The following DOCK9 variants were observed in gnomAD, a reference collection of about 807,000 sequenced individuals.
The protein encoded by DOCK9 is dedicator of cytokinesis 9.
Under a neutral mutation model 263.3 loss-of-function variants are expected in DOCK9, and 89 were observed. That is an observed-to-expected ratio of 0.34 (90% CI 0.28 to 0.40). The LOEUF (loss-of-function observed/expected upper bound fraction) is 0.40. DOCK9 is among the 10% of genes least tolerant of loss of function. The probability of loss-of-function intolerance (pLI) is 1.00; values close to 1 mark genes in which losing one functional copy is unlikely to be tolerated. For synonymous variants in DOCK9, 976 were observed against 973.1 expected (o/e 1.00, Z -0.06); for missense variants, 2,140 against 2,603.4 (o/e 0.82, Z 3.87).
At chr13:98,820,446 CT>C (rs1437106121) in intron 45 of DOCK9, among the ~76,000 whole-genome samples, 3 of 152,152 alleles carry the variant, frequency 2.0e-5, no homozygotes, top group African/African-American at 7.2e-5. Flanking sequence ...AGAGAGGGTT[CT>C]TGGACCTAGT....
At chr13:98,890,876 C>T (rs554900916) in intron 15 of DOCK9, among the ~76,000 whole-genome samples, 38 of 152,274 alleles carry the variant, frequency 2.5e-4, no homozygotes, top group African/African-American at 8.4e-4. Flanking sequence ...CTCTCAGGGT[C>T]CCTCCCTCTC....
intron 1 of DOCK9, among the ~76,000 whole-genome samples, chr13:98,983,705 C>T (rs1435928168): frequency 6.6e-6 from 1 of 151,824 alleles, no homozygotes; most frequent in Non-Finnish European, 1.5e-5. Flanking sequence ...CAACCTCTGC[C>T]TCCTGGGTTC....
intron 13 of DOCK9, among the ~76,000 whole-genome samples, chr13:98,898,967 T>C (rs2047843390): frequency 6.6e-6 from 1 of 152,206 alleles, no homozygotes; most frequent in Admixed American, 6.5e-5. Context: ...TTTTTCCAAA[T>C]TTGTCTGTAC....
chr13:98,938,171 C>G (rs577984552), intron 2 of DOCK9, among the ~76,000 whole-genome samples: 2 of 152,352 alleles, frequency 1.3e-5, no homozygotes, highest in Admixed American at 1.3e-4. Flanking sequence ...CCCACTGAAG[C>G]TGGAGATTCT....
chr13:99,020,096 C>T (rs564657377), intron 1 of DOCK9, among the ~76,000 whole-genome samples: 9 of 151,754 alleles, frequency 5.9e-5, no homozygotes, highest in Non-Finnish European at 1.0e-4. Flanking sequence ...AGTGAGACTC[C>T]GTCTCAAAAA....
In DOCK9 at chr13:99,066,999, T is replaced by C. The variant is rs149924955; in HGVS notation, c.129+19224A>G. On this transcript the variant is annotated intron_variant, in intron 1 of 32. Coordinates refer to the DOCK9 transcript ENST00000427887. The stretch of plus-strand genomic sequence containing the variant: ...TGTAATAGATAAGTAGGTCCCAGTA[T>C]GTTTCTACTACCCAGAAGGCTGACT... 3.7e-3 allele frequency among the ~76,000 whole-genome samples: 565 copies of C among 152,354 alleles called. 4 individuals carry two copies. The highest frequency in any genetic ancestry group is 0.013 in the African/African-American group (532 of 41,580).
chr13:98,800,253 C>T (rs1312529175), intron 50 of DOCK9, 35 bp downstream of exon 50: 1 of 1,546,452 alleles, frequency 6.5e-7, no homozygotes, highest in Admixed American at 1.9e-5. Flanking sequence ...CAAGGACGTC[C>T]CCTGCTGCCC....
intron 1 of DOCK9, among the ~76,000 whole-genome samples, chr13:98,995,487 T>C (rs1392397365): frequency 7.4e-4 from 40 of 54,034 alleles, no homozygotes; most frequent in Non-Finnish European, 1.2e-3. Context: ...GGAAGATACT[T>C]TTTTTTTTTT....
chr13:99,076,136 TAAG>T lies in DOCK9; in HGVS notation c.129+10084_129+10086del, dbSNP rs374750406. Reference sequence around the variant, plus strand: ...GTATAAAATAAGATAAATTCACTGATAAGGAGTCAAAAAAGAAACAGAAAATAA... The same window carrying T: ...GTATAAAATAAGATAAATTCACTGATGAGTCAAAAAAGAAACAGAAAATAA... On this transcript the variant is annotated intron_variant, in intron 1 of 32. Coordinates refer to the DOCK9 transcript ENST00000427887. Among the ~76,000 whole-genome samples the T allele has an allele frequency of 3.8e-3, 583 of 152,208 alleles. 1 individual carries two copies. Among genetic ancestry groups the T allele is most frequent in the African/African-American group, 0.013 (539 of 41,526 alleles).
intron 1 of DOCK9, among the ~76,000 whole-genome samples, chr13:99,023,621 G>A (rs1292349764): frequency 6.6e-6 from 1 of 152,140 alleles, no homozygotes; most frequent in Non-Finnish European, 1.5e-5. Flanking sequence ...AAATAGTTAA[G>A]GTGATAAATC....
rs777896562 is a variant in DOCK9 at position 98,930,248 on chromosome 13, G to A, written c.253C>T (p.Leu85=). Residue 85 remains leucine, a synonymous_variant, in exon 3 of 53, where the codon CTG becomes TTG. Coordinates refer to ENST00000682017, the MANE Select transcript of DOCK9 (RefSeq NM_001366683.2). ...FPYDDFQTAI[L]RRQGRYICST... ...CATATGTATCGACCCTGTCGTCTCA[G>A]GATGGCCGTCTGGAAACAAAAACAG... 44 of 1,609,932 alleles carry A rather than the reference G, an allele frequency of 2.7e-5. No individual in the cohort carries two copies. Among genetic ancestry groups the A allele is most frequent in the Non-Finnish European group, 3.6e-5 (42 of 1,178,192 alleles).
intron 1 of DOCK9, among the ~76,000 whole-genome samples, chr13:99,085,847 G>A (rs1235818393): frequency 1.4e-5 from 2 of 146,518 alleles, no homozygotes; most frequent in Non-Finnish European, 3.0e-5. Flanking sequence ...GGCCGGGGGA[G>A]GGATACGGGG....
At chr13:99,047,511 C>T (rs1256271813) in intron 1 of DOCK9, among the ~76,000 whole-genome samples, 1 of 145,000 alleles carries the variant, frequency 6.9e-6, no homozygotes, top group Non-Finnish European at 1.5e-5. Flanking sequence ...ATCAGTGGTT[C>T]TAATCCTTTT....
rs577346523 is a variant in DOCK9, at chr13:98,884,703, C to G, written c.2382+268G>C. 2.0e-5 allele frequency among the ~76,000 whole-genome samples: 3 copies of G among 152,060 alleles called. No individual in the cohort carries two copies. The East Asian group carries it at 5.8e-4, about 29-fold the overall frequency. ...GCATGGCCAGTCGGCAGAGACAGAC[C>G]TTATCCCAGATTTCCAAGTCTCTAT... On this transcript the variant is annotated intron_variant, in intron 21 of 52. Coordinates refer to ENST00000682017, the MANE Select transcript of DOCK9 (RefSeq NM_001366683.2).
Position 98,809,288 on chromosome 13 carries a change from TG to T in DOCK9, c.5367+63del, listed in dbSNP as rs779975025. On this transcript the variant is annotated intron_variant, in intron 47 of 52. Transcript: ENST00000682017. ...TATAACTTTATTATAGTTTTTTTTTTGTTTTTGTTTTTGTTTTTTTTTAAAG... is the reference window on the plus strand; with the variant it reads ...TATAACTTTATTATAGTTTTTTTTTTTTTTTGTTTTTGTTTTTTTTTAAAG... 45 of 1,382,000 alleles carry T rather than the reference TG, an allele frequency of 3.3e-5. 1 individual carries two copies. The African/African-American group carries it at 5.3e-4, about 16-fold the overall frequency. 85.6% of individuals were successfully genotyped at this position (1,382,000 alleles called of 1,614,324 possible).
At chr13:98,845,455 A>G (rs983278841) in intron 38 of DOCK9, 1 of 950,362 alleles carries the variant, frequency 1.1e-6, no homozygotes, top group Admixed American at 3.1e-5. Flanking sequence ...ATGTTTTCAC[A>G]GTAGTGCAAG....
chr13:98,999,512 T>C (rs1400769862), intron 1 of DOCK9, among the ~76,000 whole-genome samples: 1 of 152,232 alleles, frequency 6.6e-6, no homozygotes, highest in Non-Finnish European at 1.5e-5. Context: ...AGTTGCCTGA[T>C]TTGAGCCAAG....
intron 27 of DOCK9, among the ~76,000 whole-genome samples, chr13:98,869,309 T>C (rs2094130582): frequency 1.3e-5 from 2 of 152,358 alleles, no homozygotes; most frequent in East Asian, 3.9e-4. Context: ...ATGTACTTTT[T>C]CATTCAATTC....
chr13:99,087,020 G>C (rs1018611603), upstream of DOCK9, among the ~76,000 whole-genome samples: 1 of 152,090 alleles, frequency 6.6e-6, no homozygotes, highest in Admixed American at 6.5e-5. Flanking sequence ...CGAAGTCACC[G>C]GCAGGGTCGG....
Sources: gnomAD v4.1 joint callset for allele counts (sites outside exome capture counted in the v4.1 genomes callset) on GRCh38, gnomAD v4.1.1 for gene constraint, MANE v1.5 for transcripts, NCBI Gene and HGNC (gene_info 2026-07-23, HGNC 2026-07-21) for gene names.